CRB1: variants seen among roughly 807,000 people sequenced by gnomAD.
CRB1 encodes the protein crumbs cell polarity complex component 1.
Under a neutral mutation model 120.0 loss-of-function variants are expected in CRB1, and 83 were observed. The observed-to-expected ratio is 0.69, with a 90% CI of 0.58 to 0.83. CRB1 has a LOEUF of 0.83. CRB1 is among the 40% of genes least tolerant of loss of function. CRB1 has a pLI of 0.00. For synonymous variants in CRB1, 625 were observed against 612.5 expected, an observed-to-expected ratio of 1.02 and a Z score of -0.30; for missense variants, 1,699 against 1,687.6, an observed-to-expected ratio of 1.01 and a Z score of -0.12.
intron 5 of CRB1, among the ~76,000 whole-genome samples, chr1:197,405,962 G>GT: frequency 6.7e-6 from 1 of 150,014 alleles, no homozygotes; most frequent in South Asian, 2.1e-4. Context: ...GGGGGGGTCA[G>GT]CCCCCCGCCC....
chr1:197,402,738 T>A (rs1663130620), intron 5 of CRB1, among the ~76,000 whole-genome samples: 1 of 152,132 alleles, frequency 6.6e-6, no homozygotes, highest in African/African-American at 2.4e-5. Context: ...TGAAGTACAA[T>A]AAACAAAAAA....
chr1:197,394,314 A>G (rs1662661279), intron 5 of CRB1, among the ~76,000 whole-genome samples: 1 of 152,132 alleles, frequency 6.6e-6, no homozygotes, highest in Non-Finnish European at 1.5e-5. Context: ...CTTTATTTTG[A>G]TAATATAGTG....
intron 2 of CRB1, among the ~76,000 whole-genome samples, chr1:197,329,364 T>C (rs1425349173): frequency 6.6e-6 from 1 of 152,222 alleles, no homozygotes; most frequent in Non-Finnish European, 1.5e-5. Context: ...AGCCTGGCAC[T>C]GCAACCTTCT....
intron 11 of CRB1, among the ~76,000 whole-genome samples, chr1:197,474,789 A>G (rs1004742139): frequency 6.6e-6 from 1 of 152,208 alleles, no homozygotes; most frequent in Admixed American, 6.5e-5. Context: ...CCAACAGATG[A>G]CATGATTTAC....
At chr1:197,294,722 A>C (rs1406583133) in intron 1 of CRB1, among the ~76,000 whole-genome samples, 2 of 152,216 alleles carry the variant, frequency 1.3e-5, no homozygotes, top group Admixed American at 6.5e-5. Context: ...AATACTATGC[A>C]GCCATAAAAA....
chr1:197,262,278 T>C, the CRB1 span, among the ~76,000 whole-genome samples: 3 of 152,228 alleles, frequency 2.0e-5, no homozygotes, highest in African/African-American at 7.2e-5. Flanking sequence ...TACTATGTTC[T>C]GGATCTTCAC....
chr1:197,284,097 G>A (rs1655687938), intron 1 of CRB1, among the ~76,000 whole-genome samples: 1 of 151,892 alleles, frequency 6.6e-6, no homozygotes, highest in Admixed American at 6.6e-5. Context: ...GCATAGGAGT[G>A]TTGTGAGGAT....
intron 1 of CRB1, among the ~76,000 whole-genome samples, chr1:197,298,568 T>C (rs1297907947): frequency 1.3e-5 from 2 of 152,002 alleles, no homozygotes; most frequent in South Asian, 2.1e-4. Context: ...TAACAAAGAA[T>C]AAAACTGGCT....
chr1:197,397,918 CATG>C (rs1361670806), intron 5 of CRB1, among the ~76,000 whole-genome samples: 2 of 152,040 alleles, frequency 1.3e-5, no homozygotes, highest in Non-Finnish European at 2.9e-5. Flanking sequence ...GTACACCTAA[CATG>C]ATGAATTATA....
chr1:197,423,760 A>C (rs955264416), intron 6 of CRB1, among the ~76,000 whole-genome samples: 1 of 152,170 alleles, frequency 6.6e-6, no homozygotes, highest in African/African-American at 2.4e-5. Flanking sequence ...CATGGTATAC[A>C]TTTTAATGAA....
intron 1 of CRB1, among the ~76,000 whole-genome samples, chr1:197,283,613 A>G (rs1442975527): frequency 5.3e-5 from 8 of 151,766 alleles, no homozygotes; most frequent in African/African-American, 4.8e-5. Context: ...TCATGTATCT[A>G]TCTATCTAGA....
intron 6 of CRB1, among the ~76,000 whole-genome samples, chr1:197,427,073 T>C (rs1157769977): frequency 6.6e-6 from 1 of 152,172 alleles, no homozygotes; most frequent in East Asian, 1.9e-4. Flanking sequence ...GTCCAAAAAT[T>C]TCTTCCACCA....
In CRB1 at chr1:197,426,117, T is replaced by C. The variant is rs530708789; in HGVS notation, c.2129-1337T>C. Among the ~76,000 whole-genome samples, 159 of 152,046 alleles carry C rather than the reference T, an allele frequency of 1.0e-3. 3 individuals are homozygous for C. The highest frequency in any genetic ancestry group is 3.4e-3 in the African/African-American group (143 of 41,506). On this transcript the variant is annotated intron_variant, in intron 6 of 11. Coordinates refer to ENST00000367400, the MANE Select transcript of CRB1 (RefSeq NM_201253.3). Reference sequence around the variant, plus strand: ...CAGTTTTCTTCCGTATCTCTGCAAATAGAAAGTCCATGCTTCCAGTTGCTT... The same window carrying C: ...CAGTTTTCTTCCGTATCTCTGCAAACAGAAAGTCCATGCTTCCAGTTGCTT...
At chr1:197,298,325 A>G (rs1306813064) in intron 1 of CRB1, among the ~76,000 whole-genome samples, 2 of 152,124 alleles carry the variant, frequency 1.3e-5, no homozygotes, top group Admixed American at 6.6e-5. Context: ...GAATAGATGT[A>G]TATGGATGTA....
intron 1 of CRB1, among the ~76,000 whole-genome samples, chr1:197,323,011 A>G (rs1298275823): frequency 1.3e-5 from 2 of 152,138 alleles, no homozygotes; most frequent in Non-Finnish European, 2.9e-5. Flanking sequence ...TAATTTTTCT[A>G]TAGGGGTTAA....
Position 197,438,675 on chromosome 1 carries a change from G to A in CRB1, c.3878G>A (p.Trp1293Ter), listed in dbSNP as rs1665282478. 6.2e-7 allele frequency: 1 copy of A among 1,611,784 alleles called. No homozygotes were observed. Among genetic ancestry groups the A allele is most frequent in the Non-Finnish European group, 8.5e-7 (1 of 1,178,284 alleles). ...CMCRPGFTGE[W>*]CEKDIDECAS... ...TGCCGGCCAGGTTTTACTGGAGAAT[G>A]GTGAGTCACATTAGAGCCTTCTGGA... is the stretch of plus-strand genomic sequence containing the variant. Residue 1293 changes from tryptophan to a stop codon, truncating the protein, a stop_gained and splice_region_variant, in exon 10 of 12, where the codon TGG becomes TAG. Coordinates refer to ENST00000367400, the MANE Select transcript of CRB1 (RefSeq NM_201253.3). LOFTEE classifies it high-confidence loss of function.
chr1:197,325,972 G>A (rs185575287), intron 1 of CRB1, among the ~76,000 whole-genome samples: 1 of 152,236 alleles, frequency 6.6e-6, no homozygotes, highest in African/African-American at 2.4e-5. Context: ...GATATAATTA[G>A]AGAGCTAGGG....
chr1:197,470,073 T>C (rs542894117), intron 11 of CRB1, among the ~76,000 whole-genome samples: 1 of 152,192 alleles, frequency 6.6e-6, no homozygotes. Context: ...AGAAGCTCTG[T>C]GTTGATAAAG....
chr1:197,229,131 G>C, the CRB1 span, among the ~76,000 whole-genome samples: 1 of 152,114 alleles, frequency 6.6e-6, no homozygotes, highest in Non-Finnish European at 1.5e-5. Flanking sequence ...CTGACATCCT[G>C]ATCTTGGACT....
Sources: allele counts gnomAD v4.1 joint callset (sites outside exome capture counted in the v4.1 genomes callset), GRCh38; gene constraint gnomAD v4.1.1; transcripts MANE v1.5; gene names NCBI Gene and HGNC (gene_info 2026-07-23, HGNC 2026-07-21).